The following CPXM2 variants were observed in gnomAD, a reference collection of about 807,000 sequenced individuals.
CPXM2 encodes the protein inactive carboxypeptidase-like protein X2.
CPXM2 carries 66 observed loss-of-function variants against 86.1 expected under a neutral mutation model. The ratio of observed to expected loss-of-function variants is 0.77; its 90% CI spans 0.63 to 0.94. The LOEUF (loss-of-function observed/expected upper bound fraction) is 0.94. Ranked by LOEUF, CPXM2 falls within the 40% of genes least tolerant of loss-of-function variation. The probability of loss-of-function intolerance (pLI) is 0.00; values close to 1 mark genes in which losing one functional copy is unlikely to be tolerated. For synonymous variants in CPXM2, 388 were observed against 400.2 expected, an observed-to-expected ratio of 0.97 and a Z score of 0.36; for missense variants, 948 against 1,026.3, an observed-to-expected ratio of 0.92 and a Z score of 1.04.
In CPXM2 at chr10:123,747,722, A is replaced by G. The variant is rs557061686; in HGVS notation, c.2018-705T>C. Among the ~76,000 whole-genome samples the G allele has an allele frequency of 2.6e-5, 4 of 152,232 alleles. No homozygotes were observed. The South Asian group carries it at 6.2e-4, about 24-fold the overall frequency. On this transcript the variant is annotated intron_variant, in intron 13 of 13. Coordinates refer to ENST00000241305, the MANE Select transcript of CPXM2 (RefSeq NM_198148.3). Reference sequence around the variant, plus strand: ...CTGGGTCCATCCTCAGCTCTAGGCTAGATCCCTGTGGTGGGCACGGTGGTT... The same window carrying G: ...CTGGGTCCATCCTCAGCTCTAGGCTGGATCCCTGTGGTGGGCACGGTGGTT...
intron 2 of CPXM2, among the ~76,000 whole-genome samples, chr10:123,919,778 T>C (rs1011060524): frequency 7.2e-5 from 11 of 152,218 alleles, no homozygotes; most frequent in Non-Finnish European, 1.5e-4. Context: ...CACAATTCTA[T>C]AGACTGTACA....
Position 123,817,506 on chromosome 10 carries a change from C to T in CPXM2, c.654-18307G>A, listed in dbSNP as rs186949503. The stretch of plus-strand genomic sequence containing the variant: ...GTCTATGGGTCATCAAGTCACCATG[C>T]GACCTCAACTGTCTATCATGAACTA... On this transcript the variant is annotated intron_variant, in intron 4 of 13. Transcript: ENST00000241305. 7.9e-5 allele frequency among the ~76,000 whole-genome samples: 12 copies of T among 152,248 alleles called. 1 individual carries two copies. Among genetic ancestry groups the T allele is most frequent in the African/African-American group, 2.2e-4 (9 of 41,538 alleles).
At chr10:123,809,051 C>G (rs1847637339) in intron 4 of CPXM2, among the ~76,000 whole-genome samples, 1 of 152,152 alleles carries the variant, frequency 6.6e-6, no homozygotes, top group Admixed American at 6.5e-5. Context: ...CATCCTACAT[C>G]ATCCTGCTCA....
At chr10:123,880,145 T>TGGGGGGGCC in intron 2 of CPXM2, 66 bp downstream of exon 2, 1 of 407,580 alleles carries the variant, frequency 2.5e-6, no homozygotes, top group Non-Finnish European at 4.8e-6. Flanking sequence ...CAGGGGCCTG[T>TGGGGGGGCC]ACCCACCCAC....
intron 2 of CPXM2, among the ~76,000 whole-genome samples, chr10:123,938,537 G>T (rs531722953): frequency 2.6e-5 from 4 of 152,314 alleles, no homozygotes; most frequent in African/African-American, 9.6e-5. Flanking sequence ...TAGTCTCCCA[G>T]GAGATGTCTT....
intron 2 of CPXM2, among the ~76,000 whole-genome samples, chr10:123,879,573 G>A (rs1283329383): frequency 1.3e-5 from 2 of 152,094 alleles, no homozygotes. Context: ...ATAAATGGCT[G>A]TTATTACTAA....
At chr10:123,843,717 C>T (rs747930114) in intron 3 of CPXM2, among the ~76,000 whole-genome samples, 2 of 152,158 alleles carry the variant, frequency 1.3e-5, no homozygotes, top group Non-Finnish European at 2.9e-5. Flanking sequence ...GCGTGAACAA[C>T]TTGGCCAAAG....
intron 7 of CPXM2, among the ~76,000 whole-genome samples, chr10:123,775,371 G>A (rs954244120): frequency 8.5e-5 from 13 of 152,250 alleles, no homozygotes; most frequent in Non-Finnish European, 1.5e-4. Context: ...CTATCTCTAC[G>A]GACATAAAGC....
At chr10:123,907,255 G>A (rs937990612) in intron 2 of CPXM2, among the ~76,000 whole-genome samples, 12 of 152,228 alleles carry the variant, frequency 7.9e-5, no homozygotes, top group Non-Finnish European at 1.3e-4. Flanking sequence ...AACTCACAAA[G>A]ACTATTTTTA....
intron 13 of CPXM2, chr10:123,751,587 C>T (rs891247026): frequency 3.9e-5 from 38 of 985,244 alleles, no homozygotes; most frequent in South Asian, 2.3e-4. Context: ...GCATGTGGAA[C>T]GGTGAGCCGG....
At chr10:123,893,621 C>T (rs1224655096), upstream of CPXM2, among the ~76,000 whole-genome samples, 4 of 152,222 alleles carry the variant, frequency 2.6e-5, no homozygotes, top group East Asian at 7.8e-4. Flanking sequence ...AGGAGGGTCC[C>T]CTTCCCCACC....
At chr10:123,819,429 G>A (rs1008836671) in intron 4 of CPXM2, among the ~76,000 whole-genome samples, 1 of 152,172 alleles carries the variant, frequency 6.6e-6, no homozygotes, top group African/African-American at 2.4e-5. Flanking sequence ...ATAGAAGAAG[G>A]TAGTCATTAA....
intron 8 of CPXM2, 140 bp downstream of exon 8, chr10:123,770,776 A>T (rs1846608532): frequency 1.2e-6 from 1 of 865,036 alleles, no homozygotes; most frequent in Admixed American, 2.5e-5. Context: ...CATGGGCAAA[A>T]TCTGTCTACG....
intron 2 of CPXM2, among the ~76,000 whole-genome samples, chr10:123,933,715 C>T (rs1194150742): frequency 6.6e-6 from 1 of 151,702 alleles, no homozygotes; most frequent in Non-Finnish European, 1.5e-5. Flanking sequence ...GAGACCATGT[C>T]TCTGAAAACA....
chr10:123,789,378 G>A (rs1300514977), intron 6 of CPXM2, among the ~76,000 whole-genome samples: 2 of 152,204 alleles, frequency 1.3e-5, no homozygotes, highest in African/African-American at 2.4e-5. Flanking sequence ...TGTGGGAGCA[G>A]AAGTCCAGGA....
intron 6 of CPXM2, among the ~76,000 whole-genome samples, chr10:123,788,038 G>C (rs1430146239): frequency 4.6e-5 from 7 of 151,924 alleles, no homozygotes; most frequent in Admixed American, 3.9e-4. Context: ...CTAGCACTCT[G>C]GGAGGCTGAG....
chr10:123,874,893 C>T (rs2134219800), intron 2 of CPXM2, among the ~76,000 whole-genome samples: 1 of 152,330 alleles, frequency 6.6e-6, no homozygotes, highest in South Asian at 2.1e-4. Context: ...TTCATGCCAC[C>T]TATGGGTGCT....
At chr10:123,773,286 T>C (rs1846696194) in intron 7 of CPXM2, among the ~76,000 whole-genome samples, 1 of 151,828 alleles carries the variant, frequency 6.6e-6, no homozygotes, top group African/African-American at 2.4e-5. Flanking sequence ...CCTCCCTCAT[T>C]GTGGTTATCA....
intron 2 of CPXM2, among the ~76,000 whole-genome samples, chr10:123,877,753 A>G (rs959820956): frequency 1.2e-4 from 19 of 152,216 alleles, no homozygotes; most frequent in Non-Finnish European, 2.6e-4. Context: ...AACTTCTTAA[A>G]CTATTACAAA....
Sources: allele counts gnomAD v4.1 joint callset (sites outside exome capture counted in the v4.1 genomes callset), GRCh38; gene constraint gnomAD v4.1.1; transcripts MANE v1.5; gene names NCBI Gene and HGNC (gene_info 2026-07-23, HGNC 2026-07-21).